SASH1: variants seen among roughly 807,000 people sequenced by gnomAD.
The protein encoded by SASH1 is SAM and SH3 domain containing 1.
In SASH1, 44 loss-of-function variants were observed where a neutral mutation model predicts 125.2. The observed-to-expected ratio is 0.35, with a 90% CI of 0.28 to 0.45. The LOEUF is 0.45. Among genes scored for constraint, SASH1 ranks in the 20% least tolerant of loss-of-function variants. The pLI is 1.00. For synonymous variants in SASH1, 639 were observed against 649.1 expected (o/e 0.98, Z 0.24); for missense variants, 1,426 against 1,614.5 (o/e 0.88, Z 2.00).
the SASH1 span, among the ~76,000 whole-genome samples, chr6:148,219,709 C>T: frequency 1.3e-5 from 2 of 152,148 alleles, no homozygotes; most frequent in Non-Finnish European, 2.9e-5. Context: ...GCTATCTGGT[C>T]CATGCCTGGG....
chr6:148,208,513 G>A, the SASH1 span, among the ~76,000 whole-genome samples: 1 of 152,262 alleles, frequency 6.6e-6, no homozygotes, highest in Admixed American at 6.5e-5. Flanking sequence ...CTCCTAGGAG[G>A]TTAAGCCATT....
At chr6:148,266,840 A>G in the SASH1 span, among the ~76,000 whole-genome samples, 3 of 150,946 alleles carry the variant, frequency 2.0e-5, no homozygotes, top group Admixed American at 2.0e-4. Context: ...TTGAACTCCT[A>G]GGCTCAAGTG....
chr6:148,247,562 A>G, the SASH1 span, among the ~76,000 whole-genome samples: 1 of 152,162 alleles, frequency 6.6e-6, no homozygotes. Flanking sequence ...AACAGTTGCC[A>G]TCCCCCTTTA....
At chr6:148,423,380 A>G (rs1775662015) in intron 2 of SASH1, among the ~76,000 whole-genome samples, 1 of 152,280 alleles carries the variant, frequency 6.6e-6, no homozygotes, top group Non-Finnish European at 1.5e-5. Flanking sequence ...TGGTTACACA[A>G]TATTTAAAGA....
At chr6:148,527,073 C>T (rs1448012496) in intron 11 of SASH1, among the ~76,000 whole-genome samples, 2 of 152,016 alleles carry the variant, frequency 1.3e-5, no homozygotes. Context: ...GGGGTTTCAC[C>T]GTGTTAGTCA....
intron 1 of SASH1, among the ~76,000 whole-genome samples, chr6:148,280,826 G>A (rs1779319639): frequency 1.3e-5 from 2 of 152,074 alleles, no homozygotes. Context: ...AACAACAAAA[G>A]AGACAGAGAG....
At chr6:148,203,064 C>T in the SASH1 span, among the ~76,000 whole-genome samples, 1 of 152,164 alleles carries the variant, frequency 6.6e-6, no homozygotes, top group Admixed American at 6.5e-5. Flanking sequence ...AATCTGGATA[C>T]ATTGTTATGA....
chr6:148,426,629 T>C (rs968379034), intron 2 of SASH1, among the ~76,000 whole-genome samples: 2 of 152,186 alleles, frequency 1.3e-5, no homozygotes, highest in Non-Finnish European at 2.9e-5. Context: ...ATTCACTAGA[T>C]GGAAACCCCA....
At chr6:148,360,867 A>T (rs1294086098) in intron 1 of SASH1, among the ~76,000 whole-genome samples, 2 of 152,118 alleles carry the variant, frequency 1.3e-5, no homozygotes, top group Non-Finnish European at 2.9e-5. Flanking sequence ...ACAAAAAAGG[A>T]TACCTCGAAG....
chr6:148,467,505 C>T (rs1360858165), intron 4 of SASH1, among the ~76,000 whole-genome samples: 2 of 152,198 alleles, frequency 1.3e-5, no homozygotes, highest in Non-Finnish European at 2.9e-5. Flanking sequence ...CTGTATCTGC[C>T]TTCACAAACT....
intron 1 of SASH1, among the ~76,000 whole-genome samples, chr6:148,382,417 G>T (rs565529543): frequency 3.3e-5 from 5 of 152,294 alleles, no homozygotes; most frequent in Admixed American, 2.6e-4. Flanking sequence ...AGCCTCCTGA[G>T]TAGCTGGGAT....
intron 1 of SASH1, among the ~76,000 whole-genome samples, chr6:148,387,109 T>C (rs988905626): frequency 9.4e-5 from 13 of 137,894 alleles, no homozygotes; most frequent in Admixed American, 9.2e-4. Flanking sequence ...CCTTCCTTTC[T>C]TTCTTTTCTT....
At chr6:148,332,626 C>T (rs528631673) in intron 1 of SASH1, among the ~76,000 whole-genome samples, 2 of 152,136 alleles carry the variant, frequency 1.3e-5, no homozygotes, top group South Asian at 2.1e-4. Flanking sequence ...CCAAATATCT[C>T]CAAATACCTG....
chr6:148,374,035 T>A (rs1782797606), intron 1 of SASH1, among the ~76,000 whole-genome samples: 1 of 152,204 alleles, frequency 6.6e-6, no homozygotes, highest in Non-Finnish European at 1.5e-5. Flanking sequence ...GCTCTGAGAA[T>A]GGAAACACAC....
In SASH1 at chr6:148,512,414, T is replaced by C. The variant is rs1052795387; in HGVS notation, c.730-1910T>C. 6.3e-6 allele frequency: 6 copies of C among 952,698 alleles called. No individual in the cohort carries two copies. The African/African-American group carries it at 1.1e-4, about 17-fold the overall frequency. 59.0% of individuals were successfully genotyped at this position (952,698 alleles called of 1,614,324 possible). On this transcript the variant is annotated intron_variant, in intron 8 of 19. Transcript: ENST00000367467. Reference sequence around the variant, plus strand: ...AGAATTGCTTGGCTTTTGAGCTACATCAAGAGAGCAGAATGTTTTTAAATG... The same window carrying C: ...AGAATTGCTTGGCTTTTGAGCTACACCAAGAGAGCAGAATGTTTTTAAATG...
At chr6:148,298,138 C>G (rs1376032271) in intron 1 of SASH1, among the ~76,000 whole-genome samples, 1 of 151,640 alleles carries the variant, frequency 6.6e-6, no homozygotes, top group Non-Finnish European at 1.5e-5. Flanking sequence ...TCCCTAGTAG[C>G]TGGAATTACA....
chr6:148,551,478 G>C lies in SASH1; in HGVS notation c.*2920G>C, dbSNP rs1281338305. Reference sequence around the variant, plus strand: ...ACTATTTATGTACCCAGATAACTAAGATATTGTTTCATGGCCTTGCCTTAG... The same window carrying C: ...ACTATTTATGTACCCAGATAACTAACATATTGTTTCATGGCCTTGCCTTAG... On this transcript the variant is annotated 3_prime_UTR_variant, in exon 20 of 20. Coordinates refer to ENST00000367467, the MANE Select transcript of SASH1 (RefSeq NM_015278.5). The C allele has an allele frequency of 6.6e-6, 1 of 152,352 alleles. No individual in the cohort carries two copies. Among genetic ancestry groups the C allele is most frequent in the Non-Finnish European group, 1.5e-5 (1 of 68,030 alleles). The allele number at this position is 152,352 out of a possible 1,614,324, so 9.4% of individuals were successfully genotyped here.
At chr6:148,387,900 T>C (rs1458217584) in intron 1 of SASH1, among the ~76,000 whole-genome samples, 5 of 125,684 alleles carry the variant, frequency 4.0e-5, no homozygotes, top group African/African-American at 9.1e-5. Flanking sequence ...TAATGCGCCC[T>C]GCTAATTTTT....
chr6:148,211,977 G>A, the SASH1 span, among the ~76,000 whole-genome samples: 2,686 of 152,312 alleles, frequency 0.018, 40 homozygotes, highest in Non-Finnish European at 0.029. Flanking sequence ...CCTGGAAGCC[G>A]CTCTCGGGCA....
Sources: gnomAD v4.1 joint callset for allele counts (sites outside exome capture counted in the v4.1 genomes callset) on GRCh38, gnomAD v4.1.1 for gene constraint, MANE v1.5 for transcripts, NCBI Gene and HGNC (gene_info 2026-07-23, HGNC 2026-07-21) for gene names.